CDKL1: variants seen among roughly 807,000 people sequenced by gnomAD.
CDKL1 encodes the protein cyclin-dependent kinase-like 1.
A neutral mutation model predicts 42.0 loss-of-function variants in CDKL1; 41 were observed. The observed-to-expected ratio is 0.98, with a 90% CI of 0.76 to 1.27. The LOEUF is 1.27. CDKL1 is among the 50% of genes most tolerant of loss of function. The pLI is 0.00. For missense variants in CDKL1, 394 were observed against 428.4 expected (o/e 0.92, Z 0.71); for synonymous variants, 153 against 158.6 (o/e 0.96, Z 0.26).
chr14:50,392,321 C>T (rs1295727514), intron 2 of CDKL1, among the ~76,000 whole-genome samples: 1 of 152,020 alleles, frequency 6.6e-6, no homozygotes, highest in Non-Finnish European at 1.5e-5. Context: ...TGGCAGGCAC[C>T]TCTCATCCCA....
chr14:50,389,222 A>T (rs966880999), intron 2 of CDKL1, among the ~76,000 whole-genome samples: 1 of 151,950 alleles, frequency 6.6e-6, no homozygotes, highest in Non-Finnish European at 1.5e-5. Flanking sequence ...GCAGGGAAAA[A>T]AGGGATGCTC....
chr14:50,327,458 AC>A lies in CDKL1; in HGVS notation c.*2615del, dbSNP rs1220135069. ...ATAGATTTCTGTGTGTTTGATTTGA[AC>A]TTTTTTTTTTTTTTTTTTTTTTTTG... On this transcript the variant is annotated 3_prime_UTR_variant, in exon 10 of 10. Transcript: ENST00000395834. The A allele has an allele frequency of 1.6e-5, 2 of 125,644 alleles. No individual in the cohort carries two copies. Among genetic ancestry groups the A allele is most frequent in the Admixed American group, 1.8e-4 (2 of 10,906 alleles). The allele number at this position is 125,644 out of a possible 1,614,324, so 7.8% of individuals were successfully genotyped here. A position where few individuals can be genotyped will look rare whatever the true frequency, so the allele number is the denominator to read the frequency against.
chr14:50,338,845 C>T lies in CDKL1; in HGVS notation c.738+102G>A, dbSNP rs2033404122. ...TCCAATTTTCTTTTTCTCTGTTAGACTGACCTCCAATGCAGGGTGAGCCAT... is the reference window on the plus strand; with the variant it reads ...TCCAATTTTCTTTTTCTCTGTTAGATTGACCTCCAATGCAGGGTGAGCCAT... On this transcript the variant is annotated intron_variant, in intron 7 of 9. Coordinates refer to ENST00000395834, the MANE Select transcript of CDKL1 (RefSeq NM_004196.7). The T allele has an allele frequency of 5.0e-6, 4 of 796,720 alleles. No homozygotes were observed. The African/African-American group carries it at 5.1e-5, about 10-fold the overall frequency. 49.4% of individuals were successfully genotyped at this position (796,720 alleles called of 1,614,324 possible).
At chr14:50,384,114 G>T (rs578065767) in intron 2 of CDKL1, among the ~76,000 whole-genome samples, 54 of 152,266 alleles carry the variant, frequency 3.5e-4, no homozygotes, top group African/African-American at 1.1e-3. Context: ...ATCATTGTGG[G>T]CAAGGGAATG....
intron 2 of CDKL1, among the ~76,000 whole-genome samples, chr14:50,365,035 A>G (rs1047387053): frequency 1.3e-5 from 2 of 152,206 alleles, no homozygotes; most frequent in Non-Finnish European, 2.9e-5. Flanking sequence ...TGGTTCAGGG[A>G]AAATCTCTTT....
intron 3 of CDKL1, among the ~76,000 whole-genome samples, chr14:50,347,588 A>G (rs2033770124): frequency 6.6e-6 from 1 of 152,228 alleles, no homozygotes; most frequent in Non-Finnish European, 1.5e-5. Flanking sequence ...TAACTGGTAC[A>G]CAGTGGTGCC....
chr14:50,354,864 A>T (rs1306932183), intron 3 of CDKL1, among the ~76,000 whole-genome samples: 3 of 152,170 alleles, frequency 2.0e-5, no homozygotes, highest in Admixed American at 6.6e-5. Context: ...TGATTTGGCA[A>T]GAATTATTTT....
upstream of CDKL1, chr14:50,397,228 C>T (rs764311662): frequency 1.0e-5 from 14 of 1,366,608 alleles, no homozygotes; most frequent in South Asian, 4.5e-5. Context: ...CTCAGAACCG[C>T]GGTTATTCCC....
rs147692397 is a variant in CDKL1, at chr14:50,338,288, T to C, written c.738+659A>G. Reference sequence around the variant, plus strand: ...CCCAGGCTGGAGTACAGTGGTGTGGTGCAATATCGGCTCACTGCAACCTCC... The same window carrying C: ...CCCAGGCTGGAGTACAGTGGTGTGGCGCAATATCGGCTCACTGCAACCTCC... On this transcript the variant is annotated intron_variant, in intron 7 of 9. Coordinates refer to ENST00000395834, the MANE Select transcript of CDKL1 (RefSeq NM_004196.7). Among the ~76,000 whole-genome samples, 337 of 152,032 alleles carry C rather than the reference T, an allele frequency of 2.2e-3. 2 individuals carry two copies. The highest frequency in any genetic ancestry group is 6.9e-3 in the African/African-American group (287 of 41,462).
At chr14:50,363,576 C>G (rs1566594767) in intron 2 of CDKL1, among the ~76,000 whole-genome samples, 1 of 152,202 alleles carries the variant, frequency 6.6e-6, no homozygotes, top group African/African-American at 2.4e-5. Flanking sequence ...TATTTGCTCC[C>G]TTGACAGGAT....
At chr14:50,344,558 C>T (rs1465162) in intron 4 of CDKL1, among the ~76,000 whole-genome samples, 1 of 149,954 alleles carries the variant, frequency 6.7e-6, no homozygotes, top group African/African-American at 2.5e-5. Flanking sequence ...CAGCCTCGAC[C>T]TCCCCAGCTC....
intron 2 of CDKL1, chr14:50,378,304 T>G (rs1455432754): frequency 2.2e-6 from 3 of 1,366,530 alleles, no homozygotes; most frequent in Non-Finnish European, 2.9e-6. Context: ...GTTGTTGCAG[T>G]GCCTGAGTAG....
chr14:50,352,032 ATATAT>A (rs1402039967), intron 3 of CDKL1, among the ~76,000 whole-genome samples: 2 of 152,202 alleles, frequency 1.3e-5, no homozygotes, highest in Non-Finnish European at 2.9e-5. Flanking sequence ...ATATTTTGAG[ATATAT>A]TAATCACTCT....
intron 2 of CDKL1, among the ~76,000 whole-genome samples, chr14:50,389,313 G>C (rs1298179211): frequency 1.3e-5 from 2 of 151,974 alleles, no homozygotes; most frequent in Non-Finnish European, 2.9e-5. Flanking sequence ...ACACTCAACA[G>C]TGCCACTCGC....
chr14:50,373,826 C>T (rs1030849658), intron 2 of CDKL1, among the ~76,000 whole-genome samples: 1 of 152,152 alleles, frequency 6.6e-6, no homozygotes, highest in African/African-American at 2.4e-5. Context: ...CACTGCTGGT[C>T]GGTGTGCTAA....
chr14:50,395,091 T>C (rs1673681595), intron 2 of CDKL1, among the ~76,000 whole-genome samples: 1 of 152,258 alleles, frequency 6.6e-6, no homozygotes, highest in African/African-American at 2.4e-5. Context: ...AATGAGAATC[T>C]GTGAGCTTCC....
chr14:50,388,929 C>A (rs1453325385), intron 2 of CDKL1, among the ~76,000 whole-genome samples: 2 of 151,576 alleles, frequency 1.3e-5, no homozygotes, highest in African/African-American at 4.8e-5. Flanking sequence ...GAAACCCTGT[C>A]TCTACTGAAA....
intron 7 of CDKL1, among the ~76,000 whole-genome samples, chr14:50,337,306 G>A (rs536318066): frequency 1.3e-5 from 2 of 151,172 alleles, no homozygotes; most frequent in Admixed American, 6.6e-5. Context: ...ACCATGCCCA[G>A]CCTACACTGT....
intron 2 of CDKL1, among the ~76,000 whole-genome samples, chr14:50,373,146 A>G (rs1481408993): frequency 6.6e-6 from 1 of 152,194 alleles, no homozygotes; most frequent in African/African-American, 2.4e-5. Context: ...TTTTAACAAT[A>G]TTAATTCACT....
Sources: gnomAD v4.1 joint callset for allele counts (sites outside exome capture counted in the v4.1 genomes callset) on GRCh38, gnomAD v4.1.1 for gene constraint, MANE v1.5 for transcripts, NCBI Gene and HGNC (gene_info 2026-07-23, HGNC 2026-07-21) for gene names.